The following ELMO1 variants were observed in gnomAD, a reference collection of about 807,000 sequenced individuals.
ELMO1 encodes the protein engulfment and cell motility protein 1.
A neutral mutation model predicts 98.9 loss-of-function variants in ELMO1; 26 were observed. That is an observed-to-expected ratio of 0.26 (90% CI 0.19 to 0.36). The LOEUF is 0.36. ELMO1 is among the 10% of genes least tolerant of loss of function. The probability of loss-of-function intolerance (pLI) is 1.00; values close to 1 mark genes in which losing one functional copy is unlikely to be tolerated. For synonymous variants in ELMO1, 346 were observed against 346.0 expected, an observed-to-expected ratio of 1.00 and a Z score of 0.00; for missense variants, 627 against 935.2, an observed-to-expected ratio of 0.67 and a Z score of 4.30.
chr7:37,071,061 T>C (rs536139846), intron 15 of ELMO1, among the ~76,000 whole-genome samples: 60 of 152,318 alleles, frequency 3.9e-4, no homozygotes, highest in African/African-American at 1.3e-3. Context: ...GAAAATAGCC[T>C]GTATCCTGAT....
intron 14 of ELMO1, among the ~76,000 whole-genome samples, chr7:37,114,684 A>G (rs1036584146): frequency 2.6e-5 from 4 of 152,188 alleles, no homozygotes; most frequent in Non-Finnish European, 4.4e-5. Flanking sequence ...CAAGCATCTA[A>G]GCTTCCATTT....
intron 1 of ELMO1, among the ~76,000 whole-genome samples, chr7:37,348,722 T>C (rs1477304337): frequency 1.3e-5 from 2 of 152,104 alleles, no homozygotes; most frequent in Non-Finnish European, 2.9e-5. Flanking sequence ...GAAACTCATC[T>C]CTCTACACAT....
intron 6 of ELMO1, among the ~76,000 whole-genome samples, chr7:37,249,727 T>C (rs1795233072): frequency 6.6e-6 from 1 of 152,220 alleles, no homozygotes; most frequent in Admixed American, 6.5e-5. Flanking sequence ...AGGAATTTTA[T>C]TCCAACAAAA....
At chr7:37,272,326 A>G (rs1302123832) in intron 4 of ELMO1, among the ~76,000 whole-genome samples, 1 of 152,232 alleles carries the variant, frequency 6.6e-6, no homozygotes, top group Non-Finnish European at 1.5e-5. Flanking sequence ...ATAAATGGAT[A>G]AGCAAAATGT....
chr7:36,961,401 ATCTC>A (rs956782985), intron 16 of ELMO1, among the ~76,000 whole-genome samples: 4 of 152,236 alleles, frequency 2.6e-5, no homozygotes, highest in African/African-American at 9.6e-5. Flanking sequence ...TTAAAAGCTA[ATCTC>A]TCTATTTTTC....
chr7:37,237,531 C>A (rs1281218222), intron 7 of ELMO1, among the ~76,000 whole-genome samples: 3 of 152,104 alleles, frequency 2.0e-5, no homozygotes, highest in Admixed American at 2.0e-4. Context: ...CTCAGGTGAT[C>A]CGCCCGCCTC....
chr7:36,975,227 T>C (rs1028651520), intron 16 of ELMO1, among the ~76,000 whole-genome samples: 2 of 152,344 alleles, frequency 1.3e-5, no homozygotes, highest in Middle Eastern at 3.4e-3. Flanking sequence ...CCCAGCACTT[T>C]GGGAGGCCAA....
intron 15 of ELMO1, among the ~76,000 whole-genome samples, chr7:37,086,320 C>T (rs1050331398): frequency 7.0e-6 from 1 of 143,176 alleles, no homozygotes; most frequent in Non-Finnish European, 1.5e-5. Context: ...ATTTTTGTAA[C>T]AATACATGAC....
At chr7:37,150,422 C>T (rs557334132) in intron 13 of ELMO1, among the ~76,000 whole-genome samples, 6 of 144,350 alleles carry the variant, frequency 4.2e-5, no homozygotes, top group East Asian at 2.0e-4. Flanking sequence ...CCAGAGTCCA[C>T]GTACTTAACT....
chr7:37,014,618 TC>T (rs1793793699), intron 15 of ELMO1, among the ~76,000 whole-genome samples: 1 of 151,924 alleles, frequency 6.6e-6, no homozygotes, highest in Non-Finnish European at 1.5e-5. Context: ...ATGCTCTCTA[TC>T]CCCCAGTCCC....
intron 15 of ELMO1, among the ~76,000 whole-genome samples, chr7:37,037,104 G>A (rs1250551206): frequency 2.0e-5 from 3 of 151,986 alleles, no homozygotes; most frequent in African/African-American, 4.8e-5. Flanking sequence ...TAAATGAGGA[G>A]TTGAAAGTTA....
intron 16 of ELMO1, among the ~76,000 whole-genome samples, chr7:36,997,447 C>T (rs1318236029): frequency 6.6e-6 from 1 of 151,938 alleles, no homozygotes; most frequent in Non-Finnish European, 1.5e-5. Flanking sequence ...GGCAGGTGGC[C>T]CTTCTCATAG....
At chr7:37,251,482 GGA>G (rs1481390525) in intron 6 of ELMO1, among the ~76,000 whole-genome samples, 2 of 152,146 alleles carry the variant, frequency 1.3e-5, no homozygotes, top group Non-Finnish European at 2.9e-5. Flanking sequence ...AGTACCAGCT[GGA>G]GAGAGACCTT....
Position 37,404,441 on chromosome 7 carries a change from C to T in ELMO1, c.-74+44234G>A, listed in dbSNP as rs114951042. Among the ~76,000 whole-genome samples, 565 of 152,316 alleles carry T rather than the reference C, an allele frequency of 3.7e-3. 5 individuals carry two copies. The highest frequency in any genetic ancestry group is 0.013 in the African/African-American group (546 of 41,564). On this transcript the variant is annotated intron_variant, in intron 1 of 21. Transcript: ENST00000310758. ...CCATTGGCACAGCTTTCTGGTGCAT[C>T]CCTAGGTCCCACGCTATTTTTAACC...
chr7:36,910,598 C>T (rs776568051), intron 16 of ELMO1, among the ~76,000 whole-genome samples: 4 of 152,200 alleles, frequency 2.6e-5, no homozygotes, highest in Admixed American at 6.5e-5. Context: ...TTGGCTTGCT[C>T]ACTTGCCATC....
chr7:37,447,619 T>TCA (rs1805678076), intron 1 of ELMO1, among the ~76,000 whole-genome samples: 2 of 144,426 alleles, frequency 1.4e-5, no homozygotes, highest in Admixed American at 6.8e-5. Context: ...ACACACCGAC[T>TCA]CACACACACA....
chr7:37,086,743 CAAAAAAAAAA>C (rs755237121), intron 15 of ELMO1, among the ~76,000 whole-genome samples: 47 of 48,820 alleles, frequency 9.6e-4, no homozygotes, highest in South Asian at 4.1e-3. Flanking sequence ...ATCCTGTCTC[CAAAAAAAAAA>C]AAAAAAAAAA....
intron 2 of ELMO1, among the ~76,000 whole-genome samples, chr7:37,321,716 C>CAAAAAAAAAAAAAAAAAAAAAAAA (rs565421716): frequency 1.5e-5 from 1 of 66,104 alleles, no homozygotes; most frequent in African/African-American, 8.1e-5. Flanking sequence ...GACTCCGTCT[C>CAAAAAAAAAAAAAAAAAAAAAAAA]AAAAAAAAAA....
At chr7:37,316,656 C>A (rs1221275270) in intron 2 of ELMO1, among the ~76,000 whole-genome samples, 1 of 152,196 alleles carries the variant, frequency 6.6e-6, no homozygotes, top group Admixed American at 6.5e-5. Flanking sequence ...CCAGCTCTCC[C>A]AGAGATGTGG....
Sources: gnomAD v4.1 joint callset for allele counts (sites outside exome capture counted in the v4.1 genomes callset) on GRCh38, gnomAD v4.1.1 for gene constraint, MANE v1.5 for transcripts, NCBI Gene and HGNC (gene_info 2026-07-23, HGNC 2026-07-21) for gene names.